The following ALDOA variants were observed in gnomAD, a reference collection of about 807,000 sequenced individuals.
The protein encoded by ALDOA is fructose-bisphosphate aldolase A.
Under a neutral mutation model 43.9 loss-of-function variants are expected in ALDOA, and 26 were observed. The observed-to-expected ratio is 0.59, with a 90% CI of 0.43 to 0.82. ALDOA has a LOEUF of 0.82. Among genes scored for constraint, ALDOA ranks in the 40% least tolerant of loss-of-function variants. The probability of loss-of-function intolerance (pLI) is 0.00; values close to 1 mark genes in which losing one functional copy is unlikely to be tolerated. For missense variants in ALDOA, 498 were observed against 549.5 expected (o/e 0.91, Z 0.94); for synonymous variants, 258 against 222.6 (o/e 1.16, Z -1.42).
chr16:30,067,955 A>G (rs1436809167), intron 4 of ALDOA: 1 of 492,346 alleles, frequency 2.0e-6, no homozygotes, highest in Non-Finnish European at 3.7e-6. Flanking sequence ...GTTGTCAAAT[A>G]ACATCCCAGT....
upstream of ALDOA, among the ~76,000 whole-genome samples, chr16:30,065,433 C>T (rs541763337): frequency 6.6e-6 from 1 of 152,224 alleles, no homozygotes; most frequent in Non-Finnish European, 1.5e-5. Context: ...CATCCGCGTC[C>T]TCCACTTCCC....
At chr16:30,067,115 G>T in intron 2 of ALDOA, 77 bp downstream of exon 2, 1 of 1,573,554 alleles carries the variant, frequency 6.4e-7, no homozygotes. Context: ...GGGCCTGCTG[G>T]GTGTGGGGCA....
chr16:30,070,001 C>T lies in ALDOA; in HGVS notation c.1133C>T (p.Ala378Val), dbSNP rs2072267273. ...WGGKKENLKA[A>V]QEEYVKRALA... ...GGGAAGAAGGAGAACCTGAAGGCTGCGCAGGAGGAGTATGTCAAGCGAGCC... is the reference window on the plus strand; with the variant it reads ...GGGAAGAAGGAGAACCTGAAGGCTGTGCAGGAGGAGTATGTCAAGCGAGCC... The change falls in exon 9 of 10, where the codon GCG becomes GTG. Residue 378 changes from alanine (A) to valine (V), a missense_variant. Physicochemically the swap from Ala to Val is moderately conservative, Grantham distance 64. Transcript: ENST00000642816. The T allele has an allele frequency of 4.3e-6, 7 of 1,613,768 alleles. No homozygotes were observed. Among genetic ancestry groups the T allele is most frequent in the East Asian group, 2.2e-5 (1 of 44,872 alleles).
rs1053206612 is a variant in ALDOA, at chr16:30,070,333, A to C, written c.*121A>C. The C allele has an allele frequency of 2.2e-6, 2 of 898,770 alleles. No individual in the cohort carries two copies. Among genetic ancestry groups the C allele is most frequent in the Admixed American group, 1.9e-5 (1 of 51,364 alleles). 55.7% of individuals were successfully genotyped at this position (898,770 alleles called of 1,614,324 possible). A position where few individuals can be genotyped will look rare whatever the true frequency, so the allele number is the denominator to read the frequency against. Reference sequence around the variant, plus strand: ...CCCGCGCTCTTTCTTCCCTCGTGACAGTGGTGTGTGGTGTCGTCTGTGAAT... The same window carrying C: ...CCCGCGCTCTTTCTTCCCTCGTGACCGTGGTGTGTGGTGTCGTCTGTGAAT... On this transcript the variant is annotated 3_prime_UTR_variant, in exon 10 of 10. Coordinates refer to ENST00000642816, the MANE Select transcript of ALDOA (RefSeq NM_001243177.4).
chr16:30,064,627 T>A (rs552402118), upstream of ALDOA: 312 of 396,152 alleles, frequency 7.9e-4, 1 homozygote, highest in African/African-American at 5.8e-3. Flanking sequence ...TAAATATAGG[T>A]CCCTGCCAGA....
Position 30,068,012 on chromosome 16 carries a change from T to C in ALDOA, c.486+351T>C, listed in dbSNP as rs76696455. 3.4e-3 allele frequency: 1,041 copies of C among 306,746 alleles called. 11 individuals are homozygous for C. Among genetic ancestry groups the C allele is most frequent in the African/African-American group, 0.021 (966 of 46,156 alleles). The allele number at this position is 306,746 out of a possible 1,614,324, so 19.0% of individuals were successfully genotyped here. On this transcript the variant is annotated intron_variant, in intron 4 of 9. Transcript: ENST00000642816. ...TTACTAAGTGAACTAAGTGAAAATA[T>C]TTTAATTTAATTGTAACTAAGTATT...
Position 30,068,815 on chromosome 16 carries a change from T to C in ALDOA, c.542-3T>C, listed in dbSNP as rs113090361. On this transcript the variant is annotated splice_region_variant and splice_polypyrimidine_tract_variant and intron_variant, in intron 5 of 9. Transcript: ENST00000642816. ...GTGCTCTGACCCCTTCCTCTTCTCT[T>C]AGGGTTGGATGGGCTGTCTGAGCGC... 5.0e-6 allele frequency: 8 copies of C among 1,613,970 alleles called. No homozygotes were observed. Among genetic ancestry groups the C allele is most frequent in the African/African-American group, 1.3e-5 (1 of 74,892 alleles).
intron 1 of ALDOA, 44 bp from the exon 2 acceptor site, chr16:30,066,841 C>T (rs1243946332): frequency 2.0e-6 from 3 of 1,527,498 alleles, no homozygotes; most frequent in African/African-American, 1.4e-5. Context: ...GCTTGATTCA[C>T]GATCTTTACA....
chr16:30,067,813 C>A, intron 4 of ALDOA, 152 bp downstream of exon 4: 1 of 830,368 alleles, frequency 1.2e-6, no homozygotes, highest in Non-Finnish European at 2.0e-6. Context: ...CATTTTTAAT[C>A]CTCACAATTC....
rs201610579 is a variant in ALDOA, at chr16:30,069,830, G to C, written c.962G>C (p.Gly321Ala). Residue 321 changes from glycine to alanine, a missense_variant and splice_region_variant, in exon 9 of 10, where the codon GGG becomes GCG. Transcript: ENST00000642816. ...CTCTCGCCTCACCCCTGCTCTACAG[G>C]GATCACCTTCCTGTCTGGAGGCCAG... ...LRRTVPPAVT[G>A]ITFLSGGQSE... 13 of 1,614,096 alleles carry C rather than the reference G, an allele frequency of 8.1e-6. No individual in the cohort carries two copies. The highest frequency in any genetic ancestry group is 1.0e-5 in the Non-Finnish European group (12 of 1,180,032).
chr16:30,068,671 C>G lies in ALDOA; in HGVS notation c.512C>G (p.Ala171Gly), dbSNP rs763716015. ...GTAGACAAGGGCGTGGTCCCCCTGGCAGGGACAAATGGCGAGACTACCACC... is the reference window on the plus strand; with the variant it reads ...GTAGACAAGGGCGTGGTCCCCCTGGGAGGGACAAATGGCGAGACTACCACC... Reference protein sequence around the residue: ...IKVDKGVVPLAGTNGETTTQG... With the variant: ...IKVDKGVVPLGGTNGETTTQG... Residue 171 changes from alanine (A) to glycine (G), a missense_variant, in exon 5 of 10, where the codon GCA becomes GGA. Physicochemically the swap from Ala to Gly is moderately conservative, Grantham distance 60. Transcript: ENST00000642816. The G allele has an allele frequency of 2.5e-6, 4 of 1,614,208 alleles. No homozygotes were observed. The highest frequency in any genetic ancestry group is 3.4e-6 in the Non-Finnish European group (4 of 1,180,044).
chr16:30,067,587 C>T lies in ALDOA; in HGVS notation c.412C>T (p.Leu138Phe). 1 of 1,614,090 alleles carries T rather than the reference C, an allele frequency of 6.2e-7. No homozygotes were observed. The highest frequency in any genetic ancestry group is 8.5e-7 in the Non-Finnish European group (1 of 1,180,034). Reference protein sequence around the residue: ...IGGVILFHETLYQKADDGRPF... With the variant: ...IGGVILFHETFYQKADDGRPF... ...GGGTGTCATCCTCTTCCATGAGACACTCTACCAGAAGGCGGATGATGGGCG... is the reference window on the plus strand; with the variant it reads ...GGGTGTCATCCTCTTCCATGAGACATTCTACCAGAAGGCGGATGATGGGCG... Residue 138 changes from leucine (L) to phenylalanine (F), a missense_variant, in exon 4 of 10, where the codon CTC (leucine) becomes TTC (phenylalanine). By Grantham distance (22) the Leu-to-Phe change is conservative. Coordinates refer to ENST00000642816, the MANE Select transcript of ALDOA (RefSeq NM_001243177.4).
Position 30,069,866 on chromosome 16 carries a change from A to C in ALDOA, c.998A>C (p.Glu333Ala), listed in dbSNP as rs2072260094. The C allele has an allele frequency of 2.5e-6, 4 of 1,614,030 alleles. No individual in the cohort carries two copies. The highest frequency in any genetic ancestry group is 2.2e-5 in the East Asian group (1 of 44,870). The stretch of plus-strand genomic sequence containing the variant: ...CTGTCTGGAGGCCAGAGTGAGGAGG[A>C]GGCGTCCATCAACCTCAATGCCATT... ...TFLSGGQSEE[E>A]ASINLNAINK... Residue 333 changes from glutamate to alanine, a missense_variant, in exon 9 of 10, where the codon GAG becomes GCG. Physicochemically the swap from Glu to Ala is moderately radical, Grantham distance 107. Transcript: ENST00000642816.
intron 4 of ALDOA, chr16:30,068,383 A>T (rs549303290): frequency 6.5e-5 from 33 of 511,598 alleles, no homozygotes; most frequent in African/African-American, 6.3e-4. Flanking sequence ...AAATATTTTA[A>T]TTGTAACTAA....
rs745518404 is a variant in ALDOA at position 30,070,206 on chromosome 16, C to T, written c.1251C>T (p.Ala417=). The change falls in exon 10 of 10, where the codon GCC becomes GCT. Residue 417 remains alanine, a synonymous_variant. Coordinates refer to ENST00000642816, the MANE Select transcript of ALDOA (RefSeq NM_001243177.4). ...AGTCCCTCTTCGTCTCTAACCACGC[C>T]TATTAAGCGGAGGTGTTCCCAGGCT... ...ASESLFVSNH[A]Y is the part of the protein sequence containing the mutation. 3.6e-5 allele frequency: 58 copies of T among 1,614,012 alleles called. No individual in the cohort carries two copies. The Admixed American group carries it at 4.3e-4, about 12-fold the overall frequency.
intron 6 of ALDOA, 42 bp from the exon 7 acceptor site, chr16:30,069,264 G>C: frequency 6.2e-7 from 1 of 1,603,354 alleles, no homozygotes; most frequent in Non-Finnish European, 8.5e-7. Flanking sequence ...GTGGGACTCT[G>C]GGTTAGGAGG....
chr16:30,070,038 A>G lies in ALDOA; in HGVS notation c.1161+9A>G, dbSNP rs370179626. On this transcript the variant is annotated intron_variant, in intron 9 of 9. Coordinates refer to ENST00000642816, the MANE Select transcript of ALDOA (RefSeq NM_001243177.4). ...ATGTCAAGCGAGCCCTGGTAAGGAT[A>G]GGCAGGAGGTGGGCAGGGTGCCTGG... 13 of 1,613,670 alleles carry G rather than the reference A, an allele frequency of 8.1e-6. No individual in the cohort carries two copies. Among genetic ancestry groups the G allele is most frequent in the Non-Finnish European group, 1.0e-5 (12 of 1,179,970 alleles).
chr16:30,065,245 A>G (rs1010837261), upstream of ALDOA, among the ~76,000 whole-genome samples: 4 of 152,146 alleles, frequency 2.6e-5, no homozygotes, highest in African/African-American at 9.7e-5. Context: ...GGCCAGTGAC[A>G]GGGTGTCGGC....
chr16:30,069,481 G>A lies in ALDOA; in HGVS notation c.787-18G>A. Reference sequence around the variant, plus strand: ...TCTCCTCCACCCCACTACCCACCGTGCGCCTGCTCTGCTCCAGGTGCTGGC... The same window carrying A: ...TCTCCTCCACCCCACTACCCACCGTACGCCTGCTCTGCTCCAGGTGCTGGC... On this transcript the variant is annotated intron_variant, in intron 7 of 9. Coordinates refer to ENST00000642816, the MANE Select transcript of ALDOA (RefSeq NM_001243177.4). 2 of 1,614,060 alleles carry A rather than the reference G, an allele frequency of 1.2e-6. No homozygotes were observed. The highest frequency in any genetic ancestry group is 1.7e-6 in the Non-Finnish European group (2 of 1,180,014).
Sources: allele counts gnomAD v4.1 joint callset (sites outside exome capture counted in the v4.1 genomes callset), GRCh38; gene constraint gnomAD v4.1.1; transcripts MANE v1.5; gene names NCBI Gene and HGNC (gene_info 2026-07-23, HGNC 2026-07-21).